The following RFX4 variants were observed in gnomAD, a reference collection of about 807,000 sequenced individuals.
The protein encoded by RFX4 is transcription factor RFX4.
RFX4 carries 10 observed loss-of-function variants against 95.0 expected under a neutral mutation model. The ratio of observed to expected loss-of-function variants is 0.11; its 90% CI spans 0.06 to 0.18. RFX4 has a LOEUF of 0.18. Among genes scored for constraint, RFX4 ranks in the 10% least tolerant of loss-of-function variants. The probability of loss-of-function intolerance (pLI) is 1.00; values close to 1 mark genes in which losing one functional copy is unlikely to be tolerated. For synonymous variants in RFX4, 321 were observed against 340.7 expected (o/e 0.94, Z 0.64); for missense variants, 640 against 922.0 (o/e 0.69, Z 3.96).
chr12:106,752,362 A>G (rs1183933828), intron 17 of RFX4, among the ~76,000 whole-genome samples: 1 of 152,026 alleles, frequency 6.6e-6, no homozygotes, highest in African/African-American at 2.4e-5. Flanking sequence ...CATCAGTGTC[A>G]TTTCTGGCCT....
intron 3 of RFX4, among the ~76,000 whole-genome samples, chr12:106,648,857 G>T (rs1435657593): frequency 6.6e-6 from 1 of 152,026 alleles, no homozygotes; most frequent in African/African-American, 2.4e-5. Flanking sequence ...GATGCCAGGT[G>T]CCGAAACATT....
At chr12:106,747,939 A>G (rs554718045) in intron 16 of RFX4, among the ~76,000 whole-genome samples, 2 of 151,782 alleles carry the variant, frequency 1.3e-5, no homozygotes, top group Admixed American at 6.6e-5. Flanking sequence ...AAAAAAAAAA[A>G]AAAAGAAAAA....
chr12:106,603,781 T>G (rs2039763505), intron 1 of RFX4, among the ~76,000 whole-genome samples: 1 of 152,220 alleles, frequency 6.6e-6, no homozygotes, highest in Admixed American at 6.5e-5. Context: ...GAACTTTTGC[T>G]TCAAGCCTAA....
At chr12:106,620,344 A>G (rs1368682560) in intron 2 of RFX4, among the ~76,000 whole-genome samples, 3 of 152,122 alleles carry the variant, frequency 2.0e-5, no homozygotes, top group Non-Finnish European at 4.4e-5. Context: ...AAAGAAAGGA[A>G]TTTTACAGCT....
Position 106,720,179 on chromosome 12 carries a change from G to C in RFX4, c.1233+125G>C, listed in dbSNP as rs969418069. Reference sequence around the variant, plus strand: ...ACAGGGTTTTGAGGAGAGGCCCCAGGAGGTGGAGGGGTCAGGAGGCAGGAC... The same window carrying C: ...ACAGGGTTTTGAGGAGAGGCCCCAGCAGGTGGAGGGGTCAGGAGGCAGGAC... On this transcript the variant is annotated intron_variant, in intron 12 of 17. Coordinates refer to ENST00000392842, the MANE Select transcript of RFX4 (RefSeq NM_213594.3). This position sits in a 1 kb window ranked among gnomAD's most constrained non-coding sequence, Gnocchi z 4.2. 1.3e-6 allele frequency: 1 copy of C among 763,806 alleles called. No homozygotes were observed. The highest frequency in any genetic ancestry group is 2.2e-6 in the Non-Finnish European group (1 of 450,106). 47.3% of individuals were successfully genotyped at this position (763,806 alleles called of 1,614,324 possible). A position where few individuals can be genotyped will look rare whatever the true frequency, so the allele number is the denominator to read the frequency against.
intron 1 of RFX4, among the ~76,000 whole-genome samples, chr12:106,607,695 G>A (rs1184690954): frequency 6.6e-6 from 1 of 152,136 alleles, no homozygotes; most frequent in Non-Finnish European, 1.5e-5. Flanking sequence ...CTTGCATTGG[G>A]ACGCATTTGT....
intron 3 of RFX4, among the ~76,000 whole-genome samples, chr12:106,644,464 C>A (rs1762683470): frequency 6.6e-6 from 1 of 152,072 alleles, no homozygotes; most frequent in African/African-American, 2.4e-5. Flanking sequence ...AACTCCTGAC[C>A]TCAAGTGATC....
At chr12:106,630,391 C>A (rs2040395706) in intron 2 of RFX4, among the ~76,000 whole-genome samples, 2 of 152,222 alleles carry the variant, frequency 1.3e-5, no homozygotes, top group African/African-American at 4.8e-5. Flanking sequence ...CGAGAGGAAG[C>A]AGGTGTGGGC....
chr12:106,638,475 T>C (rs1269636338), intron 2 of RFX4, among the ~76,000 whole-genome samples: 1 of 149,002 alleles, frequency 6.7e-6, no homozygotes, highest in Non-Finnish European at 1.5e-5. Context: ...ATTGCATTGC[T>C]AACCTGATTC....
chr12:106,690,700 T>C (rs532625295), intron 7 of RFX4, among the ~76,000 whole-genome samples: 276 of 152,244 alleles, frequency 1.8e-3, no homozygotes, highest in Non-Finnish European at 3.2e-3. Context: ...TACTTATCCT[T>C]GTCAGCCCAG....
Position 106,720,161 on chromosome 12 carries a change from T to A in RFX4, c.1233+107T>A, listed in dbSNP as rs2042369084. ...CTATGGTAAGCTATCTGAACAGGGT[T>A]TTGAGGAGAGGCCCCAGGAGGTGGA... On this transcript the variant is annotated intron_variant, in intron 12 of 17. Coordinates refer to ENST00000392842, the MANE Select transcript of RFX4 (RefSeq NM_213594.3). The surrounding 1 kb of genome is among the most constrained non-coding windows in gnomAD (Gnocchi z 4.2). The A allele has an allele frequency of 1.1e-6, 1 of 950,974 alleles. No individual in the cohort carries two copies. The highest frequency in any genetic ancestry group is 1.6e-5 in the African/African-American group (1 of 61,546). 58.9% of individuals were successfully genotyped at this position (950,974 alleles called of 1,614,324 possible). A position where few individuals can be genotyped will look rare whatever the true frequency, so the allele number is the denominator to read the frequency against.
intron 2 of RFX4, among the ~76,000 whole-genome samples, chr12:106,623,901 G>T (rs1436759807): frequency 6.6e-6 from 1 of 152,178 alleles, no homozygotes; most frequent in Non-Finnish European, 1.5e-5. Context: ...GTAGGCTCCG[G>T]GGTTTATTCA....
At chr12:106,650,650 C>T (rs1419888721) in intron 3 of RFX4, among the ~76,000 whole-genome samples, 1 of 152,076 alleles carries the variant, frequency 6.6e-6, no homozygotes, top group Non-Finnish European at 1.5e-5. Context: ...ATTGCTTGAA[C>T]CGGGGAGGCG....
At chr12:106,643,676 C>T (rs2040682857) in intron 3 of RFX4, among the ~76,000 whole-genome samples, 2 of 152,002 alleles carry the variant, frequency 1.3e-5, no homozygotes, top group African/African-American at 2.4e-5. Context: ...CAGACTTTTG[C>T]AATCACTTCT....
intron 15 of RFX4, among the ~76,000 whole-genome samples, chr12:106,734,859 G>C (rs563014108): frequency 6.6e-6 from 1 of 151,954 alleles, no homozygotes; most frequent in Non-Finnish European, 1.5e-5. Flanking sequence ...CCAAGAGTTC[G>C]AGACCACTCT....
At chr12:106,683,979 G>A (rs2041588091) in intron 5 of RFX4, among the ~76,000 whole-genome samples, 1 of 151,950 alleles carries the variant, frequency 6.6e-6, no homozygotes, top group African/African-American at 2.4e-5. Flanking sequence ...TCACACCTTC[G>A]ACCAGTTGAA....
intron 4 of RFX4, among the ~76,000 whole-genome samples, chr12:106,666,798 C>T (rs1185873708): frequency 6.6e-6 from 1 of 152,202 alleles, no homozygotes; most frequent in African/African-American, 2.4e-5. Context: ...CATGGTCCAT[C>T]TGTTCTTGCA....
intron 4 of RFX4, among the ~76,000 whole-genome samples, chr12:106,669,836 A>C (rs1351155530): frequency 1.2e-5 from 1 of 81,142 alleles, no homozygotes; most frequent in Non-Finnish European, 2.5e-5. Flanking sequence ...GGTTTTTTCT[A>C]GGGGTGTGTG....
At chr12:106,678,900 T>G (rs1293210584) in intron 4 of RFX4, among the ~76,000 whole-genome samples, 7 of 152,254 alleles carry the variant, frequency 4.6e-5, no homozygotes. Context: ...TTCCTATCAT[T>G]AGACATTTAT....
Sources: allele counts gnomAD v4.1 joint callset (sites outside exome capture counted in the v4.1 genomes callset), GRCh38; gene constraint gnomAD v4.1.1; non-coding constraint Gnocchi (gnomAD v3.1); transcripts MANE v1.5; gene names NCBI Gene and HGNC (gene_info 2026-07-23, HGNC 2026-07-21).